The following PLCE1 variants were observed in gnomAD, a reference collection of about 807,000 sequenced individuals.
PLCE1 encodes phospholipase C epsilon 1.
In PLCE1, 119 loss-of-function variants were observed where a neutral mutation model predicts 242.8. The observed-to-expected ratio is 0.49, with a 90% CI of 0.42 to 0.57. The LOEUF (loss-of-function observed/expected upper bound fraction) is 0.57. PLCE1 is among the 20% of genes least tolerant of loss of function. The pLI is 0.00. For missense variants in PLCE1, 2,441 were observed against 2,788.8 expected (o/e 0.88, Z 2.81); for synonymous variants, 945 against 1,017.4 (o/e 0.93, Z 1.35).
intron 4 of PLCE1, among the ~76,000 whole-genome samples, chr10:94,201,876 A>C (rs1277244234): frequency 6.6e-6 from 1 of 152,216 alleles, no homozygotes; most frequent in Non-Finnish European, 1.5e-5. Context: ...TGAGATACCC[A>C]GTGAAAAAGA....
Position 94,139,827 on chromosome 10 carries a change from G to A in PLCE1, c.1492+7368G>A, listed in dbSNP as rs2046899200. On this transcript the variant is annotated intron_variant, in intron 3 of 32. Coordinates refer to ENST00000371380, the MANE Select transcript of PLCE1 (RefSeq NM_016341.4). ...TATTAGCATTCTAGAAGGGGTGGCT[G>A]GATCTCCAAGGATCCTCTGTTCTTT... Among the ~76,000 whole-genome samples the A allele has an allele frequency of 2.0e-5, 3 of 152,078 alleles. No homozygotes were observed. The East Asian group carries it at 5.8e-4, about 29-fold the overall frequency.
chr10:94,049,969 C>G (rs1198176779), intron 2 of PLCE1, among the ~76,000 whole-genome samples: 2 of 152,156 alleles, frequency 1.3e-5, no homozygotes, highest in Non-Finnish European at 2.9e-5. Flanking sequence ...TTGCTATTTC[C>G]CATTTCATTT....
At chr10:94,294,814 A>G (rs1045008200) in intron 23 of PLCE1, among the ~76,000 whole-genome samples, 3 of 152,094 alleles carry the variant, frequency 2.0e-5, no homozygotes, top group Admixed American at 1.3e-4. Context: ...CAAGAAGGCA[A>G]CAGTGAAGTC....
intron 2 of PLCE1, among the ~76,000 whole-genome samples, chr10:94,102,869 G>A (rs989292981): frequency 6.6e-6 from 1 of 152,194 alleles, no homozygotes; most frequent in Non-Finnish European, 1.5e-5. Flanking sequence ...TCTACAAAAA[G>A]CCCTGGAATC....
rs115911264 is a variant in PLCE1, at chr10:94,233,529, G to A, written c.1956-525G>A. 6.5e-3 allele frequency among the ~76,000 whole-genome samples: 992 copies of A among 152,198 alleles called. 13 individuals are homozygous for A. The highest frequency in any genetic ancestry group is 0.023 in the African/African-American group (936 of 41,534). ...AGTGCCCAGCTTCCATAACTAACGC[G>A]TCCCATATGCCTATTTGTGTTTGTA... On this transcript the variant is annotated intron_variant, in intron 5 of 32. Transcript: ENST00000371380.
intron 2 of PLCE1, among the ~76,000 whole-genome samples, chr10:94,034,641 T>C (rs1174392847): frequency 3.3e-5 from 5 of 152,176 alleles, no homozygotes; most frequent in Non-Finnish European, 5.9e-5. Flanking sequence ...GCTCACGGTA[T>C]CTCAGACTTG....
At chr10:94,058,207 T>TA (rs2043957587) in intron 2 of PLCE1, among the ~76,000 whole-genome samples, 1 of 152,210 alleles carries the variant, frequency 6.6e-6, no homozygotes, top group Admixed American at 6.5e-5. Context: ...CATGTTGAAA[T>TA]ACTTTTTTAA....
chr10:94,124,176 T>C (rs747750279), intron 2 of PLCE1, among the ~76,000 whole-genome samples: 9 of 151,972 alleles, frequency 5.9e-5, no homozygotes, highest in Non-Finnish European at 1.2e-4. Context: ...GCTCAGGAGT[T>C]TGAGACCAGT....
intron 1 of PLCE1, among the ~76,000 whole-genome samples, chr10:93,996,948 A>G (rs1368391302): frequency 1.3e-5 from 2 of 152,334 alleles, no homozygotes; most frequent in Non-Finnish European, 2.9e-5. Flanking sequence ...GGTAATTCCT[A>G]TTAATCTCCA....
chr10:94,298,685 G>T lies in PLCE1; in HGVS notation c.5458+16G>T, dbSNP rs2052928554. 1.2e-6 allele frequency: 2 copies of T among 1,613,422 alleles called. No individual in the cohort carries two copies. Among genetic ancestry groups the T allele is most frequent in the Non-Finnish European group, 1.7e-6 (2 of 1,179,428 alleles). On this transcript the variant is annotated intron_variant, in intron 24 of 32. Transcript: ENST00000371380. The surrounding 1 kb of genome is among the most constrained non-coding windows in gnomAD (Gnocchi z 5.2). ...CAGACTGATGGTAAGGGGCCTGCAT[G>T]CTCACCTCGCTCCTTTGCATCTTAC... is the stretch of plus-strand genomic sequence containing the variant.
intron 2 of PLCE1, among the ~76,000 whole-genome samples, chr10:94,103,791 C>A (rs904819169): frequency 1.3e-5 from 2 of 152,088 alleles, no homozygotes; most frequent in Non-Finnish European, 2.9e-5. Context: ...AACTCACACA[C>A]CAAAACAGCT....
At chr10:94,317,377 G>C (rs372186061) in intron 29 of PLCE1, among the ~76,000 whole-genome samples, 5 of 152,072 alleles carry the variant, frequency 3.3e-5, no homozygotes, top group East Asian at 1.9e-4. Flanking sequence ...ATCAGCTATG[G>C]GTCCAGTATT....
At chr10:94,285,365 G>A (rs1589476229) in intron 22 of PLCE1, among the ~76,000 whole-genome samples, 3 of 152,302 alleles carry the variant, frequency 2.0e-5, no homozygotes, top group Middle Eastern at 6.8e-3. Context: ...GAGGGATGAA[G>A]TAATTTGCCC....
At chr10:94,162,501 AT>A (rs2047650370) in intron 3 of PLCE1, among the ~76,000 whole-genome samples, 1 of 152,130 alleles carries the variant, frequency 6.6e-6, no homozygotes, top group African/African-American at 2.4e-5. Context: ...TCGGTGTGAT[AT>A]CCCCTTTATC....
chr10:94,270,666 GT>G, intron 18 of PLCE1, 64 bp downstream of exon 18: 1 of 947,158 alleles, frequency 1.1e-6, no homozygotes, highest in South Asian at 1.3e-5. Context: ...TCATTGGGTT[GT>G]TTTGTTTTGT....
intron 2 of PLCE1, among the ~76,000 whole-genome samples, chr10:94,060,898 TG>T (rs1052764856): frequency 1.4e-5 from 2 of 145,462 alleles, no homozygotes; most frequent in Non-Finnish European, 3.0e-5. Flanking sequence ...GGTTTTGCCA[TG>T]TTGCCCAGCC....
chr10:94,291,926 C>T (rs1270126771), intron 22 of PLCE1, among the ~76,000 whole-genome samples: 1 of 152,122 alleles, frequency 6.6e-6, no homozygotes, highest in Non-Finnish European at 1.5e-5. Context: ...CATTCTTCCC[C>T]TCCCCATCCC....
intron 2 of PLCE1, among the ~76,000 whole-genome samples, chr10:94,063,069 C>T (rs2044103441): frequency 6.6e-6 from 1 of 152,148 alleles, no homozygotes; most frequent in South Asian, 2.1e-4. Context: ...TCCTTTCCCA[C>T]CTGGACTCCT....
At chr10:94,198,965 T>A (rs2048909974) in intron 4 of PLCE1, among the ~76,000 whole-genome samples, 1 of 152,086 alleles carries the variant, frequency 6.6e-6, no homozygotes, top group Admixed American at 6.5e-5. Context: ...GGTAGGAGGA[T>A]CGCTTGAGCC....
Sources: allele counts gnomAD v4.1 joint callset (sites outside exome capture counted in the v4.1 genomes callset), GRCh38; gene constraint gnomAD v4.1.1; non-coding constraint Gnocchi (gnomAD v3.1); transcripts MANE v1.5; gene names NCBI Gene and HGNC (gene_info 2026-07-23, HGNC 2026-07-21).